The following NAV2 variants were observed in gnomAD, a reference collection of about 807,000 sequenced individuals.
NAV2 encodes the protein neuron navigator 2, also known as helicase, APC down-regulated 1.
NAV2 carries 54 observed loss-of-function variants against 223.2 expected under a neutral mutation model. The ratio of observed to expected loss-of-function variants is 0.24; its 90% confidence interval spans 0.19 to 0.30. The LOEUF is 0.30. Ranked by LOEUF, NAV2 falls within the 10% of genes least tolerant of loss-of-function variation. The pLI is 1.00. For missense variants in NAV2, 2,806 were observed against 3,147.5 expected, an observed-to-expected ratio of 0.89 and a Z score of 2.60; for synonymous variants, 1,279 against 1,239.3, an observed-to-expected ratio of 1.03 and a Z score of -0.67.
At chr11:19,613,152 G>C (rs547263238) in intron 1 of NAV2, among the ~76,000 whole-genome samples, 1 of 151,946 alleles carries the variant, frequency 6.6e-6, no homozygotes, top group Non-Finnish European at 1.5e-5. Context: ...CAATTACCCC[G>C]CCCCCGCCGT....
At chr11:19,837,857 A>G (rs1453320389) in intron 2 of NAV2, among the ~76,000 whole-genome samples, 1 of 152,242 alleles carries the variant, frequency 6.6e-6, no homozygotes, top group Non-Finnish European at 1.5e-5. Context: ...CTCAATTGGC[A>G]AAACTGGAAT....
At chr11:19,794,006 A>C (rs7110420) in intron 1 of NAV2, among the ~76,000 whole-genome samples, 59,591 of 151,640 alleles carry the variant, frequency 0.39, 12,528 homozygotes, top group East Asian at 0.69. Flanking sequence ...GTACATCACA[A>C]ACTGAAATCG....
At chr11:20,044,339 A>G (rs1454659210) in intron 13 of NAV2, 67 bp downstream of exon 13, 5 of 1,389,560 alleles carry the variant, frequency 3.6e-6, no homozygotes, top group Non-Finnish European at 4.9e-6. Context: ...AGTTAACTCT[A>G]GCAAGGACTT....
At chr11:19,671,698 C>T (rs1423569697) in intron 1 of NAV2, among the ~76,000 whole-genome samples, 2 of 152,206 alleles carry the variant, frequency 1.3e-5, no homozygotes, top group Non-Finnish European at 2.9e-5. Flanking sequence ...TTTGCACGGC[C>T]GTGTACTGTC....
intron 5 of NAV2, among the ~76,000 whole-genome samples, chr11:19,889,064 G>A (rs891548468): frequency 6.6e-6 from 1 of 152,180 alleles, no homozygotes; most frequent in Non-Finnish European, 1.5e-5. Flanking sequence ...GTTTGCTTGG[G>A]TGTCTCAGGT....
chr11:20,056,681 T>G lies in NAV2; in HGVS notation c.4831+724T>G. 6 of 1,145,902 alleles carry G rather than the reference T, an allele frequency of 5.2e-6. No homozygotes were observed. In the South Asian group the frequency reaches 7.4e-5, roughly 14 times the overall value. 71.0% of individuals were successfully genotyped at this position (1,145,902 alleles called of 1,614,324 possible). On this transcript the variant is annotated intron_variant, in intron 19 of 37. Transcript: ENST00000349880. ...GGATATCATCCCCACCCCATGAAGATGGGGCTGATGGGACATTGGCGGCAA... is the reference window on the plus strand; with the variant it reads ...GGATATCATCCCCACCCCATGAAGAGGGGGCTGATGGGACATTGGCGGCAA...
At chr11:19,777,573 C>A (rs1305507651) in intron 1 of NAV2, 3 of 454,536 alleles carry the variant, frequency 6.6e-6, no homozygotes, top group Non-Finnish European at 1.3e-5. Context: ...TTTAACCCCC[C>A]ACCCCGCCCC....
chr11:20,009,409 C>T (rs951041711), intron 11 of NAV2, among the ~76,000 whole-genome samples: 9 of 152,088 alleles, frequency 5.9e-5, no homozygotes, highest in East Asian at 1.9e-4. Context: ...GGTGTCTGAA[C>T]GAGCTCTAGA....
At chr11:20,016,972 C>T (rs959128317) in intron 11 of NAV2, among the ~76,000 whole-genome samples, 2 of 152,118 alleles carry the variant, frequency 1.3e-5, no homozygotes, top group Non-Finnish European at 2.9e-5. Flanking sequence ...TGCCACTGCA[C>T]TCCAGCCTAA....
At chr11:19,988,879 C>G (rs1249945467) in intron 11 of NAV2, among the ~76,000 whole-genome samples, 1 of 152,174 alleles carries the variant, frequency 6.6e-6, no homozygotes, top group African/African-American at 2.4e-5. Context: ...CCTCCTGGCA[C>G]CAAGCAGTGC....
intron 1 of NAV2, among the ~76,000 whole-genome samples, chr11:19,667,664 C>T (rs896148205): frequency 6.6e-6 from 1 of 152,090 alleles, no homozygotes; most frequent in Non-Finnish European, 1.5e-5. Flanking sequence ...TGAGACAAGT[C>T]AATGCATAAT....
intron 3 of NAV2, among the ~76,000 whole-genome samples, chr11:19,850,707 G>A (rs1922393): frequency 2.0e-5 from 3 of 152,138 alleles, no homozygotes; most frequent in African/African-American, 7.2e-5. Context: ...TTAATTTTTA[G>A]TTTATTGAGT....
At chr11:20,077,126 C>T (rs763091269) in intron 22 of NAV2, among the ~76,000 whole-genome samples, 2 of 152,180 alleles carry the variant, frequency 1.3e-5, no homozygotes, top group African/African-American at 2.4e-5. Context: ...GACAGACATA[C>T]ATTACCAATT....
intron 23 of NAV2, 124 bp from the exon 24 acceptor site, chr11:20,077,869 C>A: frequency 1.3e-6 from 1 of 774,074 alleles, no homozygotes; most frequent in Non-Finnish European, 2.2e-6. Context: ...GCCTGTTGAT[C>A]CATCTGAAAG....
chr11:19,481,311 C>T (rs1020101295), intron 1 of NAV2, among the ~76,000 whole-genome samples: 19 of 152,040 alleles, frequency 1.2e-4, no homozygotes, highest in Non-Finnish European at 2.8e-4. Context: ...GAAACCAGCC[C>T]CAAGGACTCT....
At chr11:19,533,189 T>A (rs935599846) in intron 1 of NAV2, among the ~76,000 whole-genome samples, 3 of 152,124 alleles carry the variant, frequency 2.0e-5, no homozygotes, top group Non-Finnish European at 4.4e-5. Flanking sequence ...AGGAATATAG[T>A]GTAGACCGGG....
intron 1 of NAV2, among the ~76,000 whole-genome samples, chr11:19,577,097 G>A (rs370051018): frequency 1.4e-4 from 22 of 152,340 alleles, no homozygotes; most frequent in East Asian, 1.2e-3. Context: ...CTGAATGACC[G>A]GAATAATGCC....
intron 1 of NAV2, among the ~76,000 whole-genome samples, chr11:19,595,642 C>A (rs1161855268): frequency 2.0e-5 from 3 of 151,706 alleles, no homozygotes; most frequent in African/African-American, 7.3e-5. Flanking sequence ...GTAGCCTCAA[C>A]CACCCAAGCT....
At chr11:19,914,941 A>G (rs941229512) in intron 6 of NAV2, among the ~76,000 whole-genome samples, 4 of 152,160 alleles carry the variant, frequency 2.6e-5, no homozygotes, top group Non-Finnish European at 5.9e-5. Context: ...GCCTTCTGCT[A>G]TATTGTTCAG....
Sources: gnomAD v4.1 joint callset for allele counts (sites outside exome capture counted in the v4.1 genomes callset) on GRCh38, gnomAD v4.1.1 for gene constraint, MANE v1.5 for transcripts, NCBI Gene and HGNC (gene_info 2026-07-23, HGNC 2026-07-21) for gene names.